KLHL32: variants seen among roughly 807,000 people sequenced by gnomAD.
KLHL32 encodes the protein kelch like family member 32.
KLHL32 carries 35 observed loss-of-function variants against 64.8 expected under a neutral mutation model. The observed-to-expected ratio is 0.54, with a 90% confidence interval of 0.41 to 0.72. The LOEUF (loss-of-function observed/expected upper bound fraction) is 0.72. KLHL32 is among the 30% of genes least tolerant of loss of function. The pLI is 0.00. For synonymous variants in KLHL32, 259 were observed against 281.0 expected (o/e 0.92, Z 0.78); for missense variants, 589 against 768.5 (o/e 0.77, Z 2.76).
intron 6 of KLHL32, among the ~76,000 whole-genome samples, chr6:97,109,706 G>C (rs1368721826): frequency 6.6e-6 from 1 of 152,138 alleles, no homozygotes; most frequent in Non-Finnish European, 1.5e-5. Flanking sequence ...TATGAGGAGA[G>C]AGAAAAATAA....
intron 5 of KLHL32, among the ~76,000 whole-genome samples, chr6:97,069,284 C>T (rs1283633210): frequency 6.6e-6 from 1 of 152,142 alleles, no homozygotes; most frequent in African/African-American, 2.4e-5. Flanking sequence ...TTAAATTTTA[C>T]ACTAAGTGGG....
chr6:97,097,659 G>T (rs1209005525), intron 6 of KLHL32, among the ~76,000 whole-genome samples: 1 of 151,574 alleles, frequency 6.6e-6, no homozygotes, highest in Non-Finnish European at 1.5e-5. Flanking sequence ...TTCAAATGGA[G>T]CTCAAAGGCA....
chr6:97,074,235 C>G (rs1791226208), intron 5 of KLHL32, among the ~76,000 whole-genome samples: 1 of 152,162 alleles, frequency 6.6e-6, no homozygotes, highest in African/African-American at 2.4e-5. Context: ...CTCCAGAGTT[C>G]CTGTTTCAGG....
At chr6:96,988,327 T>G (rs1414259319) in intron 3 of KLHL32, among the ~76,000 whole-genome samples, 3 of 152,178 alleles carry the variant, frequency 2.0e-5, no homozygotes, top group Non-Finnish European at 4.4e-5. Flanking sequence ...AGAAGACATT[T>G]ATGCAGCCAA....
chr6:96,931,880 G>GA (rs68098379), intron 1 of KLHL32, among the ~76,000 whole-genome samples: 2 of 151,588 alleles, frequency 1.3e-5, no homozygotes, highest in African/African-American at 2.4e-5. Flanking sequence ...AAATCATTAT[G>GA]AAAAAAAAGC....
intron 5 of KLHL32, among the ~76,000 whole-genome samples, chr6:97,082,618 A>T (rs1224739474): frequency 6.6e-6 from 1 of 151,614 alleles, no homozygotes; most frequent in African/African-American, 2.4e-5. Flanking sequence ...CATCTCAAAA[A>T]AAAAAAATAA....
At chr6:97,129,179 G>T (rs960826799) in intron 8 of KLHL32, among the ~76,000 whole-genome samples, 4 of 152,150 alleles carry the variant, frequency 2.6e-5, no homozygotes, top group African/African-American at 9.7e-5. Flanking sequence ...TAGTCTATAT[G>T]CCTATTAGTG....
At chr6:96,942,006 G>A (rs1771351252) in intron 1 of KLHL32, among the ~76,000 whole-genome samples, 1 of 152,212 alleles carries the variant, frequency 6.6e-6, no homozygotes, top group Non-Finnish European at 1.5e-5. Flanking sequence ...ACTGGCATAT[G>A]TACTGTATAT....
At chr6:97,122,906 G>T (rs1798509901) in intron 7 of KLHL32, among the ~76,000 whole-genome samples, 1 of 152,210 alleles carries the variant, frequency 6.6e-6, no homozygotes, top group Non-Finnish European at 1.5e-5. Context: ...GGCCACTGCA[G>T]GTCTCCAAGA....
rs534005946 is a variant in KLHL32 at position 96,994,417 on chromosome 6, G to GT, written c.204+18248dup. ...AAATAAAACTATACAAATTATTTAT[G>GT]TTTTTTTTCCTTTTAGTGTGATATG... On this transcript the variant is annotated intron_variant, in intron 3 of 10. Coordinates refer to ENST00000369261, the MANE Select transcript of KLHL32 (RefSeq NM_052904.4). 1.1e-4 allele frequency: 86 copies of GT among 758,932 alleles called. 1 individual carries two copies. The highest frequency in any genetic ancestry group is 5.5e-4 in the South Asian group (9 of 16,258). 47.0% of individuals were successfully genotyped at this position (758,932 alleles called of 1,614,324 possible).
Position 96,966,978 on chromosome 6 carries a change from T to G in KLHL32, c.-65-18T>G. 1 of 1,309,544 alleles carries G rather than the reference T, an allele frequency of 7.6e-7. No homozygotes were observed. The highest frequency in any genetic ancestry group is 1.1e-6 in the Non-Finnish European group (1 of 910,072). 81.1% of individuals were successfully genotyped at this position (1,309,544 alleles called of 1,614,324 possible). On this transcript the variant is annotated intron_variant, in intron 1 of 10. Coordinates refer to ENST00000369261, the MANE Select transcript of KLHL32 (RefSeq NM_052904.4). Reference sequence around the variant, plus strand: ...GCATTTAGCTCAATGCACCCTTTTCTCTTGTCTTTTTATTCAGCTGGAATG... The same window carrying G: ...GCATTTAGCTCAATGCACCCTTTTCGCTTGTCTTTTTATTCAGCTGGAATG...
In KLHL32 at chr6:97,130,892, G is replaced by A; in HGVS notation, c.1549G>A (p.Asp517Asn). 6.2e-7 allele frequency: 1 copy of A among 1,614,050 alleles called. No homozygotes were observed. Among genetic ancestry groups the A allele is most frequent in the Non-Finnish European group, 8.5e-7 (1 of 1,179,958 alleles). Residue 517 changes from aspartate (D) to asparagine (N), a missense_variant, in exon 9 of 11, where the codon GAT becomes AAT. Asp to Asn is a conservative substitution (Grantham distance 23). This residue lies in a region of KLHL32 where 172 missense variants were observed against 192.0 expected (regional missense o/e 0.90). Coordinates refer to ENST00000369261, the MANE Select transcript of KLHL32 (RefSeq NM_052904.4). ...TGACCGGATCCTTGTGCGCCATATA[G>A]ATTCTTACAACATAGACACTGACCA... ...NNDRILVRHI[D>N]SYNIDTDQWT...
At position 97,114,382 on chromosome 6, in the gene KLHL32, G is replaced by T; in HGVS notation, c.1227G>T (p.Leu409=). The T allele has an allele frequency of 6.2e-7, 1 of 1,614,236 alleles. No homozygotes were observed. The highest frequency in any genetic ancestry group is 8.5e-7 in the Non-Finnish European group (1 of 1,180,042). The change falls in exon 7 of 11, where the codon CTG becomes CTT. Residue 409 remains leucine (L), a synonymous_variant. Coordinates refer to ENST00000369261, the MANE Select transcript of KLHL32 (RefSeq NM_052904.4). ...YLYAVGGRNE[L]RQVLPTVERY... ...ATGCAGTTGGGGGCAGAAATGAACT[G>T]CGCCAGGTTCTGCCTACAGTTGAGC...
chr6:96,944,538 A>T (rs776382684), intron 1 of KLHL32, among the ~76,000 whole-genome samples: 5 of 152,172 alleles, frequency 3.3e-5, no homozygotes, highest in Non-Finnish European at 5.9e-5. Flanking sequence ...TATGAGTTTG[A>T]TGATGCTATA....
At chr6:97,102,974 C>T (rs1795925345) in intron 6 of KLHL32, among the ~76,000 whole-genome samples, 2 of 151,626 alleles carry the variant, frequency 1.3e-5, no homozygotes. Context: ...TTTTTCTGCT[C>T]CTCTCCCTCC....
intron 1 of KLHL32, among the ~76,000 whole-genome samples, chr6:96,930,816 G>A (rs552934725): frequency 3.9e-5 from 6 of 152,074 alleles, no homozygotes; most frequent in African/African-American, 1.4e-4. Context: ...TGGAGCATCG[G>A]CCTGGTCACA....
At chr6:97,055,795 C>CAAAAAAAAAAA (rs1562286223) in intron 4 of KLHL32, among the ~76,000 whole-genome samples, 2 of 31,280 alleles carry the variant, frequency 6.4e-5, no homozygotes, top group Non-Finnish European at 4.9e-5. Context: ...GAGAACCTGT[C>CAAAAAAAAAAA]TAAAAAAAAA....
At chr6:96,949,918 T>C (rs1220740623) in intron 1 of KLHL32, among the ~76,000 whole-genome samples, 1 of 152,112 alleles carries the variant, frequency 6.6e-6, no homozygotes, top group Non-Finnish European at 1.5e-5. Flanking sequence ...TTTTTCTTTT[T>C]TAATAGTAAA....
chr6:97,094,177 T>G (rs905826559), intron 6 of KLHL32, among the ~76,000 whole-genome samples: 35 of 152,222 alleles, frequency 2.3e-4, no homozygotes, highest in African/African-American at 8.4e-4. Flanking sequence ...GTCCTTTTTC[T>G]TCAATGTTAG....
Sources: allele counts gnomAD v4.1 joint callset (sites outside exome capture counted in the v4.1 genomes callset), GRCh38; gene constraint gnomAD v4.1.1; regional missense constraint gnomAD v4.1.1; transcripts MANE v1.5; gene names NCBI Gene and HGNC (gene_info 2026-07-23, HGNC 2026-07-21).